The following SLC1A7 variants were observed in gnomAD, a reference collection of about 807,000 sequenced individuals.
SLC1A7 encodes the protein solute carrier family 1 member 7.
SLC1A7 carries 40 observed loss-of-function variants against 47.7 expected under a neutral mutation model. That is an observed-to-expected ratio of 0.84 (90% CI 0.65 to 1.09). The LOEUF (loss-of-function observed/expected upper bound fraction) is 1.09, where lower values mean the gene tolerates loss of function less well. Ranked by LOEUF, SLC1A7 falls within the 50% of genes least tolerant of loss-of-function variation. SLC1A7 has a pLI of 0.00. For missense variants in SLC1A7, 746 were observed against 769.5 expected, an observed-to-expected ratio of 0.97 and a Z score of 0.36; for synonymous variants, 323 against 325.6, an observed-to-expected ratio of 0.99 and a Z score of 0.09.
chr1:53,122,965 G>A (rs1644841268), intron 2 of SLC1A7, among the ~76,000 whole-genome samples: 1 of 152,102 alleles, frequency 6.6e-6, no homozygotes, highest in Non-Finnish European at 1.5e-5. Flanking sequence ...GGTGGGTGCT[G>A]CTACCCTGGC....
Position 53,088,065 on chromosome 1 carries a change from C to T in SLC1A7, c.1627G>A (p.Ala543Thr), listed in dbSNP as rs777144509. 17 of 1,602,776 alleles carry T rather than the reference C, an allele frequency of 1.1e-5. No individual in the cohort carries two copies. The highest frequency in any genetic ancestry group is 6.7e-5 in the East Asian group (3 of 44,538). Residue 543 changes from alanine (A) to threonine (T), a missense_variant, in exon 11 of 11, where the codon GCT (alanine) becomes ACT (threonine). Transcript: ENST00000371494. ...VQVEQDEELPAASLNHCTIQI... is the reference protein window; with the variant it reads ...VQVEQDEELPTASLNHCTIQI... ...ATGGTGCAGTGGTTCAGACTCGCAG[C>T]GGGCAGCTCCTCATCCTGCTCCACT...
At chr1:53,101,945 G>A (rs1032334631) in intron 5 of SLC1A7, among the ~76,000 whole-genome samples, 2 of 151,374 alleles carry the variant, frequency 1.3e-5, no homozygotes, top group Admixed American at 1.3e-4. Context: ...ACCCTCATAC[G>A]ACCTGCCTCA....
chr1:53,107,989 A>G (rs1481934418), intron 3 of SLC1A7: 1 of 152,300 alleles, frequency 6.6e-6, no homozygotes, highest in East Asian at 1.9e-4. Context: ...TCAAACTGAC[A>G]AAGTATTTTT....
At chr1:53,131,402 A>G (rs572444162) in intron 2 of SLC1A7, among the ~76,000 whole-genome samples, 1 of 152,374 alleles carries the variant, frequency 6.6e-6, no homozygotes, top group African/African-American at 2.4e-5. Context: ...ACCAGGGTCC[A>G]TACAATGGCC....
At chr1:53,101,180 A>T (rs1225507372) in intron 5 of SLC1A7, among the ~76,000 whole-genome samples, 1 of 147,818 alleles carries the variant, frequency 6.8e-6, no homozygotes, top group Non-Finnish European at 1.5e-5. Context: ...GCCTCGGAAC[A>T]CTCACACAAA....
At chr1:53,135,479 C>G (rs1357229723) in intron 1 of SLC1A7, among the ~76,000 whole-genome samples, 1 of 152,198 alleles carries the variant, frequency 6.6e-6, no homozygotes, top group African/African-American at 2.4e-5. Flanking sequence ...AAACAGCCCC[C>G]TTTGGCAGAG....
At chr1:53,097,764 C>T (rs1572303798) in intron 5 of SLC1A7, among the ~76,000 whole-genome samples, 6 of 130,656 alleles carry the variant, frequency 4.6e-5, no homozygotes, top group African/African-American at 9.6e-5. Flanking sequence ...GGTACACTCA[C>T]ACACAGCACC....
intron 3 of SLC1A7, among the ~76,000 whole-genome samples, chr1:53,109,343 T>C (rs959121269): frequency 1.3e-5 from 2 of 152,116 alleles, no homozygotes; most frequent in African/African-American, 2.4e-5. Context: ...GGTGTTTTAA[T>C]AAGATTCGAA....
At chr1:53,090,846 C>T (rs774319323) in intron 7 of SLC1A7, 40 bp from the exon 8 acceptor site, 15 of 1,574,224 alleles carry the variant, frequency 9.5e-6, no homozygotes, top group Non-Finnish European at 1.2e-5. Context: ...GCACCCTCCT[C>T]CAGGATGGCT....
rs748907030 is a variant in SLC1A7, at chr1:53,103,339, C to T, written c.697+7G>A. On this transcript the variant is annotated splice_region_variant and intron_variant, in intron 5 of 10. Coordinates refer to ENST00000371494, the MANE Select transcript of SLC1A7 (RefSeq NM_006671.6). The stretch of plus-strand genomic sequence containing the variant: ...ACGGCACTGCTGGGCAGGTGGGCAG[C>T]ACATACCCATGGTGGCAGAGAAGAA... The T allele has an allele frequency of 1.3e-6, 2 of 1,584,294 alleles. No individual in the cohort carries two copies. The highest frequency in any genetic ancestry group is 1.2e-5 in the South Asian group (1 of 85,788).
At chr1:53,117,506 C>T (rs1054076508) in intron 2 of SLC1A7, among the ~76,000 whole-genome samples, 27 of 152,152 alleles carry the variant, frequency 1.8e-4, no homozygotes, top group African/African-American at 5.1e-4. Flanking sequence ...TAGGAAGGGA[C>T]GGTATAGCAG....
intron 5 of SLC1A7, among the ~76,000 whole-genome samples, chr1:53,094,078 G>A (rs545629946): frequency 1.3e-5 from 2 of 152,344 alleles, no homozygotes; most frequent in African/African-American, 4.8e-5. Flanking sequence ...AGCCATCCCC[G>A]ATCCCCTTTG....
intron 3 of SLC1A7, among the ~76,000 whole-genome samples, chr1:53,111,220 A>G (rs1022110184): frequency 6.6e-6 from 1 of 152,050 alleles, no homozygotes; most frequent in Non-Finnish European, 1.5e-5. Context: ...TGAGGGAAGG[A>G]GCTGCATGCT....
chr1:53,103,555 G>T lies in SLC1A7; in HGVS notation c.488C>A (p.Thr163Asn). The change falls in exon 5 of 11, where the codon ACC (threonine) becomes AAC (asparagine). Residue 163 changes from threonine (T) to asparagine (N), a missense_variant. Transcript: ENST00000371494. ...EATFKQYRTK[T>N]TPVVKSPKVA... ...CTTGGGGGACTTGACAACTGGGGTGGTCTTGGTGCGGTACTGGTGGGTGAC... is the reference window on the plus strand; with the variant it reads ...CTTGGGGGACTTGACAACTGGGGTGTTCTTGGTGCGGTACTGGTGGGTGAC... 2.5e-6 allele frequency: 4 copies of T among 1,599,018 alleles called. No homozygotes were observed. Among genetic ancestry groups the T allele is most frequent in the Non-Finnish European group, 3.4e-6 (4 of 1,171,710 alleles).
intron 3 of SLC1A7, among the ~76,000 whole-genome samples, chr1:53,109,403 T>C (rs373735965): frequency 6.6e-6 from 1 of 152,266 alleles, no homozygotes; most frequent in African/African-American, 2.4e-5. Flanking sequence ...GGGTTTCTGT[T>C]TTGCGTGCTG....
At chr1:53,089,130 C>A (rs1557664538) in intron 9 of SLC1A7, 151 bp from the exon 10 acceptor site, 7 of 663,836 alleles carry the variant, frequency 1.1e-5, no homozygotes, top group Non-Finnish European at 8.2e-6. Context: ...CCAAGCCCAC[C>A]CTTTGGCATC....
chr1:53,141,532 A>G (rs1645056340), intron 1 of SLC1A7, among the ~76,000 whole-genome samples: 1 of 152,072 alleles, frequency 6.6e-6, no homozygotes, highest in Admixed American at 6.5e-5. Context: ...GGGGGCTGAC[A>G]GGGAAAGGGG....
chr1:53,093,789 T>A (rs1173935378), intron 5 of SLC1A7, among the ~76,000 whole-genome samples: 1 of 152,016 alleles, frequency 6.6e-6, no homozygotes, highest in African/African-American at 2.4e-5. Context: ...CTCCTCAGGA[T>A]AAAAGTGCTC....
chr1:53,089,994 C>T lies in SLC1A7; in HGVS notation c.1227-60G>A, dbSNP rs778586742. 7.8e-5 allele frequency: 125 copies of T among 1,595,828 alleles called. 3 individuals carry two copies. In the South Asian group the frequency reaches 1.4e-3, roughly 18 times the overall value. ...GAGGGGCAGGGTGCATTGTCAGGGTCTGGCTCCAAGGAAGAGGTTGAGTGT... is the reference window on the plus strand; with the variant it reads ...GAGGGGCAGGGTGCATTGTCAGGGTTTGGCTCCAAGGAAGAGGTTGAGTGT... On this transcript the variant is annotated intron_variant, in intron 8 of 10. Transcript: ENST00000371494.
Sources: allele counts gnomAD v4.1 joint callset (sites outside exome capture counted in the v4.1 genomes callset), GRCh38; gene constraint gnomAD v4.1.1; transcripts MANE v1.5; gene names NCBI Gene and HGNC (gene_info 2026-07-23, HGNC 2026-07-21).